TRIM33: variants seen among roughly 807,000 people sequenced by gnomAD.
TRIM33 encodes E3 ubiquitin-protein ligase TRIM33.
In TRIM33, 20 loss-of-function variants were observed where a neutral mutation model predicts 125.4. The observed-to-expected ratio is 0.16, with a 90% confidence interval of 0.11 to 0.23. The LOEUF (loss-of-function observed/expected upper bound fraction) is 0.23. TRIM33 is among the 10% of genes least tolerant of loss of function. The probability of loss-of-function intolerance (pLI) is 1.00; values close to 1 mark genes in which losing one functional copy is unlikely to be tolerated. For synonymous variants in TRIM33, 564 were observed against 513.9 expected, an observed-to-expected ratio of 1.10 and a Z score of -1.32; for missense variants, 920 against 1,411.4, an observed-to-expected ratio of 0.65 and a Z score of 5.58.
intron 12 of TRIM33, 147 bp downstream of exon 12, chr1:114,410,037 C>T: frequency 9.5e-7 from 1 of 1,049,288 alleles, no homozygotes; most frequent in Non-Finnish European, 1.4e-6. Flanking sequence ...TGAGCCAATT[C>T]CTTAAAATAA....
intron 11 of TRIM33, among the ~76,000 whole-genome samples, chr1:114,418,434 C>A (rs983871002): frequency 1.3e-5 from 2 of 152,194 alleles, no homozygotes; most frequent in African/African-American, 4.8e-5. Context: ...TTGCCTTTAA[C>A]CTTCATGCTG....
intron 1 of TRIM33, among the ~76,000 whole-genome samples, chr1:114,500,768 T>C (rs1363653470): frequency 1.3e-5 from 2 of 151,998 alleles, no homozygotes; most frequent in African/African-American, 4.8e-5. Flanking sequence ...GAGGAAAAAC[T>C]ATTTTAATAT....
chr1:114,430,282 G>A (rs144116811), intron 6 of TRIM33, among the ~76,000 whole-genome samples: 1 of 152,070 alleles, frequency 6.6e-6, no homozygotes, highest in Non-Finnish European at 1.5e-5. Context: ...GTCTCACTCT[G>A]TTGCCCAGGC....
At position 114,498,105 on chromosome 1, in the gene TRIM33, C is replaced by T. The variant is rs536109482; in HGVS notation, c.526+12446G>A. Among the ~76,000 whole-genome samples, 5 of 121,376 alleles carry T rather than the reference C, an allele frequency of 4.1e-5. No homozygotes were observed. The East Asian group carries it at 8.7e-4, about 21-fold the overall frequency. The allele number at this position is 121,376 out of a possible 152,430, so 79.6% of individuals were successfully genotyped here. ...TCGCACCACTGCACTCCAGCCTGGG[C>T]GACAGACTGAGACTCTGTCTCAAAA... On this transcript the variant is annotated intron_variant, in intron 1 of 19. Transcript: ENST00000358465.
intron 4 of TRIM33, among the ~76,000 whole-genome samples, chr1:114,438,654 G>A (rs1197273151): frequency 1.3e-5 from 2 of 152,112 alleles, no homozygotes; most frequent in Non-Finnish European, 2.9e-5. Context: ...TTAAAAGCTA[G>A]ATGACTTTGA....
At chr1:114,398,691 C>A (rs531106672) in intron 18 of TRIM33, among the ~76,000 whole-genome samples, 1 of 151,956 alleles carries the variant, frequency 6.6e-6, no homozygotes, top group South Asian at 2.1e-4. Context: ...AATCATATGG[C>A]ACCCAAATTA....
intron 4 of TRIM33, among the ~76,000 whole-genome samples, chr1:114,443,227 CA>C (rs201275663): frequency 6.6e-6 from 1 of 151,470 alleles, no homozygotes; most frequent in Non-Finnish European, 1.5e-5. Context: ...ACTAAAAATA[CA>C]AAAAAATTAG....
intron 15 of TRIM33, among the ~76,000 whole-genome samples, chr1:114,403,954 A>G (rs1369014869): frequency 1.3e-5 from 2 of 152,046 alleles, no homozygotes; most frequent in Non-Finnish European, 2.9e-5. Flanking sequence ...GTAAGCCACT[A>G]TGCCCGGCTA....
chr1:114,508,915 A>C (rs1232340433), intron 1 of TRIM33, among the ~76,000 whole-genome samples: 1 of 152,248 alleles, frequency 6.6e-6, no homozygotes, highest in East Asian at 1.9e-4. Context: ...AGCTAAGAAA[A>C]GGTCATCTGC....
At chr1:114,442,315 G>C (rs373784706) in intron 4 of TRIM33, among the ~76,000 whole-genome samples, 1 of 152,100 alleles carries the variant, frequency 6.6e-6, no homozygotes, top group Non-Finnish European at 1.5e-5. Context: ...CTCCCTAAGA[G>C]GACTGACAGT....
intron 1 of TRIM33, among the ~76,000 whole-genome samples, chr1:114,485,392 G>C (rs1056454759): frequency 2.0e-5 from 3 of 152,032 alleles, no homozygotes; most frequent in African/African-American, 7.2e-5. Context: ...AAGGAATAAG[G>C]GGGTAAGAGA....
At chr1:114,407,188 G>A (rs1332261759) in intron 13 of TRIM33, 88 bp from the exon 14 acceptor site, 2 of 1,144,748 alleles carry the variant, frequency 1.7e-6, no homozygotes, top group Non-Finnish European at 1.2e-6. Flanking sequence ...GTTCACTAAA[G>A]TGAAGACAAT....
chr1:114,445,516 C>T (rs543107219), intron 4 of TRIM33, among the ~76,000 whole-genome samples: 2 of 152,298 alleles, frequency 1.3e-5, no homozygotes, highest in African/African-American at 4.8e-5. Context: ...CCTGGGATTA[C>T]AGGCGTGAGC....
chr1:114,463,008 G>T, intron 4 of TRIM33, 96 bp downstream of exon 4: 1 of 942,224 alleles, frequency 1.1e-6, no homozygotes, highest in Non-Finnish European at 1.5e-6. Flanking sequence ...AAAAGATTAA[G>T]ACACAAACAT....
At chr1:114,422,362 G>A (rs1042407989) in intron 10 of TRIM33, among the ~76,000 whole-genome samples, 3 of 152,126 alleles carry the variant, frequency 2.0e-5, no homozygotes, top group Non-Finnish European at 4.4e-5. Context: ...TAGCTTCTGC[G>A]CTCTGACAAG....
chr1:114,454,389 AT>A (rs1557874846), intron 4 of TRIM33, among the ~76,000 whole-genome samples: 1 of 152,154 alleles, frequency 6.6e-6, no homozygotes, highest in African/African-American at 2.4e-5. Context: ...ATGCAAACTA[AT>A]AAGAAAAAAA....
In TRIM33 at chr1:114,484,150, AAGG is replaced by A. The variant is rs569421801; in HGVS notation, c.527-19765_527-19763del. Among the ~76,000 whole-genome samples the A allele has an allele frequency of 3.7e-3, 570 of 152,346 alleles. 5 individuals are homozygous for A. The highest frequency in any genetic ancestry group is 0.013 in the African/African-American group (538 of 41,578). ...AATAATGGTCTGCCAGACAAAATTC[AAGG>A]AGCTCTTAAGAGCTTGTTAGTGTGT... On this transcript the variant is annotated intron_variant, in intron 1 of 19. Coordinates refer to ENST00000358465, the MANE Select transcript of TRIM33 (RefSeq NM_015906.4).
chr1:114,510,900 C>T lies in TRIM33; in HGVS notation c.177G>A (p.Ala59=), dbSNP rs1229375687. 8.4e-6 allele frequency: 12 copies of T among 1,424,680 alleles called. No individual in the cohort carries two copies. The highest frequency in any genetic ancestry group is 1.0e-5 in the Non-Finnish European group (11 of 1,096,992). 88.3% of individuals were successfully genotyped at this position (1,424,680 alleles called of 1,614,324 possible). The part of the protein sequence containing the change: ...EGGRAGAEGG[A]AGPDDGGVAA... ...CCACCCCCCCGTCGTCGGGCCCGGC[C>T]GCGCCGCCCTCAGCGCCGGCCCTGC... The change falls in exon 1 of 20, where the codon GCG becomes GCA. Residue 59 remains alanine, a synonymous_variant. Transcript: ENST00000358465.
chr1:114,487,927 AAAAT>A (rs1651815277), intron 1 of TRIM33, among the ~76,000 whole-genome samples: 1 of 150,058 alleles, frequency 6.7e-6, no homozygotes, highest in Admixed American at 6.6e-5. Flanking sequence ...AAAAAAAAAA[AAAAT>A]GAGAGTAAAT....
Sources: allele counts gnomAD v4.1 joint callset (sites outside exome capture counted in the v4.1 genomes callset), GRCh38; gene constraint gnomAD v4.1.1; transcripts MANE v1.5; gene names NCBI Gene and HGNC (gene_info 2026-07-23, HGNC 2026-07-21).